SYT1: variants seen among roughly 807,000 people sequenced by gnomAD.
The protein encoded by SYT1 is synaptotagmin 1.
In SYT1, 8 loss-of-function variants were observed where a neutral mutation model predicts 44.8. That is an observed-to-expected ratio of 0.18 (90% CI 0.10 to 0.32). The LOEUF (loss-of-function observed/expected upper bound fraction) is 0.32. Among genes scored for constraint, SYT1 ranks in the 10% least tolerant of loss-of-function variants. The pLI is 1.00. For synonymous variants in SYT1, 154 were observed against 188.8 expected, an observed-to-expected ratio of 0.82 and a Z score of 1.51; for missense variants, 286 against 509.3, an observed-to-expected ratio of 0.56 and a Z score of 4.22.
rs376056298 is a variant in SYT1 at position 79,207,604 on chromosome 12, G to C, written c.-17-9899G>C. On this transcript the variant is annotated intron_variant, in intron 3 of 10. Coordinates refer to ENST00000261205, the MANE Select transcript of SYT1 (RefSeq NM_005639.3). Reference sequence around the variant, plus strand: ...TTGTTCAGCTCCCACTTATGAGTGAGAACATGCAATGAAAAACAAAGTTTA... The same window carrying C: ...TTGTTCAGCTCCCACTTATGAGTGACAACATGCAATGAAAAACAAAGTTTA... Among the ~76,000 whole-genome samples, 8 of 151,904 alleles carry C rather than the reference G, an allele frequency of 5.3e-5. 1 individual carries two copies. Among genetic ancestry groups the C allele is most frequent in the Admixed American group, 5.2e-4 (8 of 15,242 alleles).
At chr12:78,944,553 C>T (rs2047035434) in intron 1 of SYT1, among the ~76,000 whole-genome samples, 1 of 151,586 alleles carries the variant, frequency 6.6e-6, no homozygotes, top group Non-Finnish European at 1.5e-5. Flanking sequence ...TTAAAAACTC[C>T]CTTAGAGAAT....
chr12:79,414,126 C>G (rs759846631), intron 9 of SYT1, among the ~76,000 whole-genome samples: 3 of 152,144 alleles, frequency 2.0e-5, no homozygotes, highest in Non-Finnish European at 4.4e-5. Flanking sequence ...GTCTATTTTT[C>G]TTCCTCTATA....
At chr12:79,303,732 G>A (rs1168915007) in intron 8 of SYT1, among the ~76,000 whole-genome samples, 1 of 152,124 alleles carries the variant, frequency 6.6e-6, no homozygotes, top group African/African-American at 2.4e-5. Flanking sequence ...TCACAGAAAA[G>A]CATGTGAAGA....
In SYT1 at chr12:79,346,480, A is replaced by G. The variant is rs545173532; in HGVS notation, c.811-7022A>G. Among the ~76,000 whole-genome samples the G allele has an allele frequency of 2.0e-4, 31 of 152,336 alleles. 1 individual carries two copies. In the South Asian group the frequency reaches 6.4e-3, roughly 32 times the overall value. Reference sequence around the variant, plus strand: ...CACCTAGTGATCAAGGCAATTGACTAAAATAAATTACACATAAAGCTGAAA... The same window carrying G: ...CACCTAGTGATCAAGGCAATTGACTGAAATAAATTACACATAAAGCTGAAA... On this transcript the variant is annotated intron_variant, in intron 8 of 10. Transcript: ENST00000261205.
chr12:79,279,777 A>C (rs1408519755), intron 4 of SYT1, among the ~76,000 whole-genome samples: 1 of 152,008 alleles, frequency 6.6e-6, no homozygotes, highest in Non-Finnish European at 1.5e-5. Flanking sequence ...TAGATTTGAT[A>C]AATGAATTTA....
At chr12:79,026,667 TTATATATATATATATA>T (rs3064320) in intron 2 of SYT1, among the ~76,000 whole-genome samples, 39 of 102,258 alleles carry the variant, frequency 3.8e-4, no homozygotes, top group Middle Eastern at 7.2e-3. Context: ...CATATATATT[TTATATATATATATATA>T]TATATATATA....
At chr12:78,917,408 CAAT>C (rs1876724309) in intron 1 of SYT1, among the ~76,000 whole-genome samples, 1 of 151,860 alleles carries the variant, frequency 6.6e-6, no homozygotes. Context: ...GCAAAAGGAA[CAAT>C]GAGAGCACTT....
At chr12:79,004,235 A>G (rs938810428) in intron 2 of SYT1, among the ~76,000 whole-genome samples, 4 of 151,974 alleles carry the variant, frequency 2.6e-5, no homozygotes, top group Non-Finnish European at 5.9e-5. Context: ...AAAGCATGCT[A>G]TATTATTATT....
At chr12:79,444,313 A>ACTGC in intron 10 of SYT1, 107 bp downstream of exon 10, 1 of 1,327,598 alleles carries the variant, frequency 7.5e-7, no homozygotes, top group Non-Finnish European at 1.0e-6. Flanking sequence ...CTTCATTAGA[A>ACTGC]CTGCCATTCT....
chr12:79,390,275 T>G (rs892064873), intron 9 of SYT1, among the ~76,000 whole-genome samples: 1 of 152,198 alleles, frequency 6.6e-6, no homozygotes, highest in Non-Finnish European at 1.5e-5. Context: ...TTGAATTACC[T>G]TGGATTCCAT....
intron 2 of SYT1, among the ~76,000 whole-genome samples, chr12:79,035,413 T>C (rs565249199): frequency 2.5e-4 from 38 of 151,752 alleles, no homozygotes; most frequent in Non-Finnish European, 5.0e-4. Context: ...TAGAGCACTT[T>C]GTAAAGATTT....
At chr12:79,254,107 G>T (rs947958559) in intron 4 of SYT1, among the ~76,000 whole-genome samples, 2 of 152,168 alleles carry the variant, frequency 1.3e-5, no homozygotes, top group Non-Finnish European at 1.5e-5. Flanking sequence ...TGTCTTCCAC[G>T]TAAATAAAGC....
intron 1 of SYT1, among the ~76,000 whole-genome samples, chr12:78,946,220 C>G (rs997572152): frequency 2.0e-5 from 3 of 152,070 alleles, no homozygotes; most frequent in African/African-American, 7.2e-5. Flanking sequence ...AATGAGGGAA[C>G]AGGTTTATTC....
intron 3 of SYT1, among the ~76,000 whole-genome samples, chr12:79,215,338 C>G (rs1802593669): frequency 6.6e-6 from 1 of 152,032 alleles, no homozygotes; most frequent in African/African-American, 2.4e-5. Flanking sequence ...AGCAATGGAA[C>G]AAATTAATAT....
chr12:78,980,990 A>C (rs1486518512), intron 2 of SYT1, among the ~76,000 whole-genome samples: 1 of 152,052 alleles, frequency 6.6e-6, no homozygotes, highest in Non-Finnish European at 1.5e-5. Flanking sequence ...CTCAAGTATG[A>C]GTGGCCAACA....
Position 79,034,208 on chromosome 12 carries a change from G to A in SYT1, c.-83-13089G>A, listed in dbSNP as rs558371660. On this transcript the variant is annotated intron_variant, in intron 2 of 10. Transcript: ENST00000261205. ...TGAAAATTCTTTGGAAAGCCCTTTT[G>A]TTTTAAGGCTTTTGTTCCTCTAAGA... 1.2e-3 allele frequency among the ~76,000 whole-genome samples: 181 copies of A among 151,538 alleles called. 1 individual carries two copies. Among genetic ancestry groups the A allele is most frequent in the Non-Finnish European group, 2.0e-3 (138 of 67,616 alleles).
intron 1 of SYT1, among the ~76,000 whole-genome samples, chr12:78,966,593 T>C (rs867708464): frequency 3.8e-4 from 58 of 152,200 alleles, no homozygotes; most frequent in African/African-American, 5.1e-4. Flanking sequence ...ATTTCTTCCA[T>C]ATTACTTATA....
rs560143092 is a variant in SYT1, at chr12:79,396,188, A to T, written c.928+42569A>T. Among the ~76,000 whole-genome samples the T allele has an allele frequency of 2.0e-5, 3 of 152,292 alleles. No homozygotes were observed. In the South Asian group the frequency reaches 6.2e-4, roughly 32 times the overall value. On this transcript the variant is annotated intron_variant, in intron 9 of 10. Transcript: ENST00000261205. ...AATGGAGTTCCAGGTGAGAACAAGA[A>T]ATTTTTATAATGATGGCCAATTTTC...
chr12:78,926,289 G>A (rs1877300459), intron 1 of SYT1, among the ~76,000 whole-genome samples: 1 of 152,008 alleles, frequency 6.6e-6, no homozygotes, highest in Non-Finnish European at 1.5e-5. Context: ...TTTCTTTAAA[G>A]AGAAAGCTTT....
Sources: gnomAD v4.1 joint callset for allele counts (sites outside exome capture counted in the v4.1 genomes callset) on GRCh38, gnomAD v4.1.1 for gene constraint, MANE v1.5 for transcripts, NCBI Gene and HGNC (gene_info 2026-07-23, HGNC 2026-07-21) for gene names.